PSMD11: variants seen among roughly 807,000 people sequenced by gnomAD.
PSMD11 encodes 26S proteasome non-ATPase regulatory subunit 11.
A neutral mutation model predicts 62.3 loss-of-function variants in PSMD11; 5 were observed. That is an observed-to-expected ratio of 0.08 (90% CI 0.04 to 0.17). The LOEUF (loss-of-function observed/expected upper bound fraction) is 0.17. Among genes scored for constraint, PSMD11 ranks in the 10% least tolerant of loss-of-function variants. The pLI is 1.00. For missense variants in PSMD11, 310 were observed against 512.9 expected, an observed-to-expected ratio of 0.60 and a Z score of 3.82; for synonymous variants, 191 against 191.8, an observed-to-expected ratio of 1.00 and a Z score of 0.03.
At chr17:32,474,088 C>G in intron 7 of PSMD11, 143 bp downstream of exon 7, 1 of 968,304 alleles carries the variant, frequency 1.0e-6, no homozygotes, top group South Asian at 1.6e-5. Flanking sequence ...TAAGGTAGAG[C>G]GGGAGGATCA....
intron 7 of PSMD11, 182 bp downstream of exon 7, chr17:32,474,127 A>C: frequency 1.6e-6 from 1 of 630,068 alleles, no homozygotes; most frequent in Non-Finnish European, 2.7e-6. Context: ...TTCGCTTGCT[A>C]GTCTTTCAGA....
intron 2 of PSMD11, among the ~76,000 whole-genome samples, chr17:32,449,404 CA>C (rs917340864): frequency 4.6e-5 from 7 of 152,110 alleles, no homozygotes; most frequent in Admixed American, 4.6e-4. Flanking sequence ...GACCCTGTCT[CA>C]AAAAAAGATT....
At chr17:32,468,921 G>GT in intron 5 of PSMD11, 78 bp from the exon 6 acceptor site, 1 of 1,276,380 alleles carries the variant, frequency 7.8e-7, no homozygotes, top group Admixed American at 2.5e-5. Flanking sequence ...AATCCTGAGT[G>GT]TTATGAGGGT....
chr17:32,453,567 T>A (rs1470476980), intron 2 of PSMD11, among the ~76,000 whole-genome samples: 1 of 152,214 alleles, frequency 6.6e-6, no homozygotes, highest in Non-Finnish European at 1.5e-5. Flanking sequence ...TTCAGGGCCT[T>A]GAATTAGCAT....
chr17:32,476,180 A>T (rs1442294278), intron 8 of PSMD11, among the ~76,000 whole-genome samples: 1 of 152,140 alleles, frequency 6.6e-6, no homozygotes, highest in African/African-American at 2.4e-5. Flanking sequence ...AGGCAGGAGA[A>T]TCACTTCAAA....
intron 2 of PSMD11, among the ~76,000 whole-genome samples, chr17:32,452,803 G>A (rs1907546191): frequency 6.6e-6 from 1 of 152,168 alleles, no homozygotes; most frequent in African/African-American, 2.4e-5. Flanking sequence ...CCTACCTGGA[G>A]CAATCGTTTT....
rs534607477 is a variant in PSMD11 at position 32,454,518 on chromosome 17, G to T, written c.217G>T (p.Val73Leu). 6.2e-7 allele frequency: 1 copy of T among 1,613,968 alleles called. No homozygotes were observed. Among genetic ancestry groups the T allele is most frequent in the African/African-American group, 1.3e-5 (1 of 75,044 alleles). Reference sequence around the variant, plus strand: ...AGAGCTTGGAGGACTCCTGAAGTATGTACGACCCTTCTTGAATTCCATCAG... The same window carrying T: ...AGAGCTTGGAGGACTCCTGAAGTATTTACGACCCTTCTTGAATTCCATCAG... Reference protein sequence around the residue: ...AAELGGLLKYVRPFLNSISKA... With the variant: ...AAELGGLLKYLRPFLNSISKA... Residue 73 changes from valine (V) to leucine (L), a missense_variant, in exon 3 of 14, where the codon GTA becomes TTA. Val to Leu is a conservative substitution (Grantham distance 32). Transcript: ENST00000261712.
chr17:32,474,894 T>A, intron 8 of PSMD11, 70 bp downstream of exon 8: 1 of 1,356,568 alleles, frequency 7.4e-7, no homozygotes, highest in Non-Finnish European at 1.1e-6. Context: ...CAACGTTTGA[T>A]GAGACCAGCA....
chr17:32,468,108 A>G (rs1460120162), intron 5 of PSMD11, among the ~76,000 whole-genome samples: 1 of 152,124 alleles, frequency 6.6e-6, no homozygotes, highest in African/African-American at 2.4e-5. Context: ...AGCTCCATTC[A>G]TGTTCCTGCA....
intron 2 of PSMD11, among the ~76,000 whole-genome samples, chr17:32,449,503 A>G (rs1381074814): frequency 6.6e-6 from 1 of 152,164 alleles, no homozygotes; most frequent in Non-Finnish European, 1.5e-5. Flanking sequence ...TACTTAAGTA[A>G]TTTTCATCCA....
chr17:32,468,631 T>G (rs1221051726), intron 5 of PSMD11, among the ~76,000 whole-genome samples: 4 of 152,228 alleles, frequency 2.6e-5, no homozygotes, highest in Non-Finnish European at 5.9e-5. Context: ...GCCCCAGTGT[T>G]TCTTATATAG....
rs1157576103 is a variant in PSMD11 at position 32,482,671 on chromosome 17, G to GT, written c.*1920dup. On this transcript the variant is annotated 3_prime_UTR_variant, in exon 14 of 14. Transcript: ENST00000261712. ...CTGAGCCTACTTTCTCTTCTACTCA[G>GT]TGAGGATGCTGCTTCCTTGGCAGGT... 1 of 152,312 alleles carries GT rather than the reference G, an allele frequency of 6.6e-6. No homozygotes were observed. Among genetic ancestry groups the GT allele is most frequent in the African/African-American group, 2.4e-5 (1 of 41,458 alleles). 9.4% of individuals were successfully genotyped at this position (152,312 alleles called of 1,614,324 possible).
chr17:32,453,928 T>C (rs1228073108), intron 2 of PSMD11, among the ~76,000 whole-genome samples: 1 of 152,200 alleles, frequency 6.6e-6, no homozygotes, highest in East Asian at 1.9e-4. Context: ...CAAAACACTC[T>C]TCTATGTGAA....
intron 7 of PSMD11, 160 bp downstream of exon 7, chr17:32,474,105 G>A: frequency 1.2e-6 from 1 of 805,662 alleles, no homozygotes; most frequent in Non-Finnish European, 1.9e-6. Flanking sequence ...ATCAAAAGTG[G>A]TCCAGAAAAC....
intron 3 of PSMD11, among the ~76,000 whole-genome samples, chr17:32,455,315 C>T (rs1198422531): frequency 6.6e-6 from 1 of 152,166 alleles, no homozygotes; most frequent in Admixed American, 6.5e-5. Context: ...ATATATTGAT[C>T]AGTACTCATT....
At chr17:32,458,975 A>G (rs1455635694) in intron 3 of PSMD11, among the ~76,000 whole-genome samples, 1 of 151,608 alleles carries the variant, frequency 6.6e-6, no homozygotes, top group Non-Finnish European at 1.5e-5. Flanking sequence ...CATGCCTGTA[A>G]TCCCAGGTAC....
intron 3 of PSMD11, among the ~76,000 whole-genome samples, chr17:32,459,375 C>T (rs975799187): frequency 1.6e-4 from 24 of 151,594 alleles, no homozygotes; most frequent in Admixed American, 6.6e-5. Context: ...CACACCACGA[C>T]GCCTGGCTAA....
Position 32,479,904 on chromosome 17 carries a change from C to G in PSMD11, c.1074+18C>G. 6.2e-7 allele frequency: 1 copy of G among 1,611,182 alleles called. No individual in the cohort carries two copies. Among genetic ancestry groups the G allele is most frequent in the Non-Finnish European group, 8.5e-7 (1 of 1,177,430 alleles). ...TCTCCAAGGTAAGGAGTCTTAAGGC[C>G]ATCTGCAGGGAGGAATGGGACGGGG... On this transcript the variant is annotated intron_variant, in intron 11 of 13. Coordinates refer to ENST00000261712, the MANE Select transcript of PSMD11 (RefSeq NM_002815.4).
intron 9 of PSMD11, 79 bp downstream of exon 9, chr17:32,477,662 A>G (rs1908368385): frequency 7.7e-7 from 1 of 1,301,298 alleles, no homozygotes; most frequent in African/African-American, 1.5e-5. Context: ...ACTTTTAAAA[A>G]TAATTATAGT....
Sources: gnomAD v4.1 joint callset for allele counts (sites outside exome capture counted in the v4.1 genomes callset) on GRCh38, gnomAD v4.1.1 for gene constraint, MANE v1.5 for transcripts, NCBI Gene and HGNC (gene_info 2026-07-23, HGNC 2026-07-21) for gene names.